Variants in ARFGEF2 observed in about 807,000 individuals in gnomAD.
ARFGEF2 encodes brefeldin A-inhibited guanine nucleotide-exchange protein 2.
ARFGEF2 carries 74 observed loss-of-function variants against 219.9 expected under a neutral mutation model. The observed-to-expected ratio is 0.34, with a 90% CI of 0.28 to 0.41. The LOEUF (loss-of-function observed/expected upper bound fraction) is 0.41. ARFGEF2 is among the 10% of genes least tolerant of loss of function. The pLI, the probability that ARFGEF2 is intolerant of heterozygous loss-of-function variation, is 1.00. For missense variants in ARFGEF2, 1,743 were observed against 2,218.3 expected, an observed-to-expected ratio of 0.79 and a Z score of 4.30; for synonymous variants, 733 against 799.2, an observed-to-expected ratio of 0.92 and a Z score of 1.40.
chr20:48,938,618 T>C (rs2090974744), intron 1 of ARFGEF2, among the ~76,000 whole-genome samples: 2 of 152,356 alleles, frequency 1.3e-5, no homozygotes, highest in Admixed American at 1.3e-4. Context: ...AGTTGGTTAA[T>C]GTTAACTGTA....
At chr20:48,976,789 CAG>C (rs1204663374) in intron 14 of ARFGEF2, among the ~76,000 whole-genome samples, 1 of 152,104 alleles carries the variant, frequency 6.6e-6, no homozygotes, top group East Asian at 1.9e-4. Context: ...GCCTGGGTGA[CAG>C]AGTGAGACTC....
chr20:49,003,340 C>G (rs1255961646), intron 25 of ARFGEF2, among the ~76,000 whole-genome samples: 1 of 151,734 alleles, frequency 6.6e-6, no homozygotes, highest in Non-Finnish European at 1.5e-5. Flanking sequence ...CACGGTGGCT[C>G]ATGCCTGTAA....
intron 7 of ARFGEF2, among the ~76,000 whole-genome samples, chr20:48,965,266 T>G (rs2091180411): frequency 1.3e-5 from 2 of 152,240 alleles, no homozygotes; most frequent in Admixed American, 1.3e-4. Context: ...ATATGCTTTG[T>G]AGGGCTATTA....
intron 28 of ARFGEF2, among the ~76,000 whole-genome samples, chr20:49,013,154 C>G (rs187987674): frequency 8.5e-5 from 13 of 152,144 alleles, no homozygotes; most frequent in Non-Finnish European, 1.5e-4. Flanking sequence ...GTGCCTGGCC[C>G]ATAGCAAGCA....
chr20:48,984,753 G>A lies in ARFGEF2; in HGVS notation c.1983G>A (p.Gly661=). 2.5e-6 allele frequency: 4 copies of A among 1,613,982 alleles called. No individual in the cohort carries two copies. Among genetic ancestry groups the A allele is most frequent in the Non-Finnish European group, 3.4e-6 (4 of 1,180,032 alleles). ...GGTTCAACAAGAAACCCAAGAGGGG[G>A]ATCCAGTTTCTCCAGGAGCAGGGCA... The part of the protein sequence containing the change: ...IELFNKKPKR[G]IQFLQEQGML... The change falls in exon 15 of 39, where the codon GGG becomes GGA. Residue 661 remains glycine (G), a synonymous_variant. Transcript: ENST00000371917.
At chr20:48,999,166 A>T (rs2091409395) in intron 25 of ARFGEF2, 2 of 398,596 alleles carry the variant, frequency 5.0e-6, no homozygotes, top group Admixed American at 3.1e-5. Context: ...TGAACCTGGG[A>T]GGTGGAGGTT....
At chr20:48,964,278 G>A (rs772052343) in intron 7 of ARFGEF2, among the ~76,000 whole-genome samples, 5 of 152,178 alleles carry the variant, frequency 3.3e-5, no homozygotes, top group South Asian at 4.1e-4. Context: ...GGTGGCGCAC[G>A]CCTGTAGTCC....
chr20:49,014,988 C>G (rs2123530954), intron 30 of ARFGEF2, among the ~76,000 whole-genome samples: 1 of 152,288 alleles, frequency 6.6e-6, no homozygotes, highest in East Asian at 1.9e-4. Context: ...CATTTGTGAT[C>G]CACTTTTTTC....
intron 34 of ARFGEF2, 21 bp from the exon 35 acceptor site, chr20:49,023,030 A>C: frequency 3.1e-6 from 5 of 1,613,990 alleles, no homozygotes; most frequent in South Asian, 1.1e-5. Flanking sequence ...TATTAGGGTT[A>C]ATCTTTATCA....
At chr20:48,929,509 A>C (rs1256958243) in intron 1 of ARFGEF2, among the ~76,000 whole-genome samples, 1 of 152,188 alleles carries the variant, frequency 6.6e-6, no homozygotes, top group African/African-American at 2.4e-5. Flanking sequence ...TTTGCAGTTG[A>C]ATGGGGTAGA....
rs1038556541 is a variant in ARFGEF2 at position 49,036,068 on chromosome 20, A to C, written c.*2869A>C. 14 of 397,864 alleles carry C rather than the reference A, an allele frequency of 3.5e-5. No homozygotes were observed. The highest frequency in any genetic ancestry group is 1.9e-4 in the African/African-American group (9 of 48,596). 24.6% of individuals were successfully genotyped at this position (397,864 alleles called of 1,614,324 possible). A position where few individuals can be genotyped will look rare whatever the true frequency, so the allele number is the denominator to read the frequency against. On this transcript the variant is annotated 3_prime_UTR_variant, in exon 39 of 39. Transcript: ENST00000371917. ...ATACATTTAGTAGTCTTTGTTATTA[A>C]AGGAACCTGCTGATAAGTACAAGTG...
At chr20:49,024,382 A>AGAGT (rs931087993) in intron 35 of ARFGEF2, among the ~76,000 whole-genome samples, 1 of 152,172 alleles carries the variant, frequency 6.6e-6, no homozygotes, top group Non-Finnish European at 1.5e-5. Flanking sequence ...AGATCCTGTG[A>AGAGT]GAGTGAGTGA....
chr20:48,991,296 A>G (rs576993263), intron 21 of ARFGEF2, 98 bp downstream of exon 21: 1 of 1,530,898 alleles, frequency 6.5e-7, no homozygotes, highest in East Asian at 2.2e-5. Flanking sequence ...TTTTTCTTGA[A>G]GTCAAATCAC....
chr20:48,952,624 C>A, intron 4 of ARFGEF2, 81 bp from the exon 5 acceptor site: 2 of 1,378,484 alleles, frequency 1.5e-6, no homozygotes, highest in Non-Finnish European at 2.1e-6. Flanking sequence ...CAAAACCAGA[C>A]CCTCTAGAAA....
chr20:48,926,658 G>A (rs77798381), intron 1 of ARFGEF2, among the ~76,000 whole-genome samples: 2,066 of 152,092 alleles, frequency 0.014, 24 homozygotes, highest in Non-Finnish European at 0.024. Context: ...GGGTTTTTCT[G>A]TTGTCTGGGC....
intron 1 of ARFGEF2, among the ~76,000 whole-genome samples, chr20:48,939,208 C>T (rs539504689): frequency 6.6e-6 from 1 of 151,982 alleles, no homozygotes; most frequent in African/African-American, 2.4e-5. Flanking sequence ...CTCCTGACCT[C>T]GTGATCTGCC....
chr20:48,990,779 A>G (rs2091353119), intron 20 of ARFGEF2, among the ~76,000 whole-genome samples: 1 of 152,242 alleles, frequency 6.6e-6, no homozygotes, highest in Non-Finnish European at 1.5e-5. Context: ...ATAGTGGAAC[A>G]TGGGACAGGT....
chr20:48,944,919 A>G (rs953355054), intron 3 of ARFGEF2, among the ~76,000 whole-genome samples: 14 of 152,194 alleles, frequency 9.2e-5, no homozygotes, highest in African/African-American at 3.4e-4. Flanking sequence ...GTAACAGAAT[A>G]TCATAGACTG....
rs1429219989 is a variant in ARFGEF2 at position 49,016,325 on chromosome 20, A to C, written c.4225A>C (p.Ile1409Leu). ...TTTCNHALYAICDVFTQFYEA... is the reference protein window; with the variant it reads ...TTTCNHALYALCDVFTQFYEA... ...AACCTGCAATCACGCACTTTATGCT[A>C]TTTGTGATGTTTTTACCCAGTTTTA... is the stretch of plus-strand genomic sequence containing the variant. The change falls in exon 31 of 39, where the codon ATT becomes CTT. Residue 1409 changes from isoleucine (I) to leucine (L), a missense_variant. Physicochemically the swap from Ile to Leu is conservative, Grantham distance 5 (BLOSUM62 2). Around this residue, in one of 5 missense-constraint regions of ARFGEF2, gnomAD observed 578 missense variants for 664.0 expected, o/e 0.87. Transcript: ENST00000371917. 6.2e-7 allele frequency: 1 copy of C among 1,613,998 alleles called. No homozygotes were observed.
Sources: allele counts gnomAD v4.1 joint callset (sites outside exome capture counted in the v4.1 genomes callset), GRCh38; gene constraint gnomAD v4.1.1; regional missense constraint gnomAD v4.1.1; transcripts MANE v1.5; gene names NCBI Gene and HGNC (gene_info 2026-07-23, HGNC 2026-07-21).